Variants in CNOT10 observed in about 807,000 individuals in gnomAD.
CNOT10 encodes CCR4-NOT transcription complex subunit 10.
A neutral mutation model predicts 94.6 loss-of-function variants in CNOT10; 30 were observed. The observed-to-expected ratio is 0.32, with a 90% CI of 0.24 to 0.43. CNOT10 has a LOEUF of 0.43. CNOT10 is among the 20% of genes least tolerant of loss of function. The probability of loss-of-function intolerance (pLI) is 1.00; values close to 1 mark genes in which losing one functional copy is unlikely to be tolerated. For synonymous variants in CNOT10, 289 were observed against 301.6 expected, an observed-to-expected ratio of 0.96 and a Z score of 0.43; for missense variants, 759 against 877.2, an observed-to-expected ratio of 0.87 and a Z score of 1.70.
In CNOT10 at chr3:32,720,831, CCCTCCCTT is replaced by C. The variant is rs200409007; in HGVS notation, c.862+627_862+634del. Among the ~76,000 whole-genome samples the C allele has an allele frequency of 7.9e-3, 1,002 of 127,412 alleles. 6 individuals carry two copies. The highest frequency in any genetic ancestry group is 0.026 in the Middle Eastern group (7 of 270). The allele number at this position is 127,412 out of a possible 152,430, so 83.6% of individuals were successfully genotyped here. ...TTAACCTGACTTGCCTGCCCTCCCT[CCCTCCCTT>C]CCTCCCTTCCTCCCTTCCTCCCTTC... On this transcript the variant is annotated intron_variant, in intron 8 of 18. Coordinates refer to ENST00000328834, the MANE Select transcript of CNOT10 (RefSeq NM_015442.3).
At chr3:32,700,363 G>A (rs1469624023) in intron 1 of CNOT10, among the ~76,000 whole-genome samples, 3 of 152,158 alleles carry the variant, frequency 2.0e-5, no homozygotes, top group Non-Finnish European at 4.4e-5. Context: ...TCTCATTTTA[G>A]TAAATAGGGA....
At chr3:32,719,957 G>T (rs966545998) in intron 7 of CNOT10, among the ~76,000 whole-genome samples, 157 bp from the exon 8 acceptor site, 1 of 152,080 alleles carries the variant, frequency 6.6e-6, no homozygotes, top group African/African-American at 2.4e-5. Context: ...TTTTTTGATT[G>T]TGAGAGCAAT....
At chr3:32,696,158 A>G (rs1038803316) in intron 1 of CNOT10, among the ~76,000 whole-genome samples, 1 of 152,084 alleles carries the variant, frequency 6.6e-6, no homozygotes, top group African/African-American at 2.4e-5. Flanking sequence ...TCTACTAAAA[A>G]TACAAAAATT....
At chr3:32,743,941 T>C (rs1163364575) in intron 13 of CNOT10, among the ~76,000 whole-genome samples, 2 of 152,142 alleles carry the variant, frequency 1.3e-5, no homozygotes, top group Non-Finnish European at 2.9e-5. Flanking sequence ...TTCTGTAGTA[T>C]ATATATATTT....
chr3:32,750,304 G>A (rs1699906612), intron 13 of CNOT10, among the ~76,000 whole-genome samples: 1 of 152,004 alleles, frequency 6.6e-6, no homozygotes, highest in Non-Finnish European at 1.5e-5. Flanking sequence ...AGACCAATCT[G>A]ACCAATATGG....
chr3:32,739,722 C>T (rs1486837136), intron 13 of CNOT10, among the ~76,000 whole-genome samples: 2 of 151,936 alleles, frequency 1.3e-5, no homozygotes, highest in East Asian at 1.9e-4. Context: ...GTCAGGAGTT[C>T]GAGATCAGCC....
intron 16 of CNOT10, 34 bp from the exon 17 acceptor site, chr3:32,764,648 C>A: frequency 6.2e-7 from 1 of 1,609,894 alleles, no homozygotes; most frequent in Non-Finnish European, 8.5e-7. Flanking sequence ...GTTGGCACGG[C>A]CTCTTCACCA....
At chr3:32,749,850 T>C (rs1699882066) in intron 13 of CNOT10, among the ~76,000 whole-genome samples, 1 of 152,036 alleles carries the variant, frequency 6.6e-6, no homozygotes, top group African/African-American at 2.4e-5. Flanking sequence ...AAAGAACTTG[T>C]GTAACCAAAT....
At chr3:32,722,211 C>T (rs1698453500) in intron 8 of CNOT10, among the ~76,000 whole-genome samples, 1 of 152,118 alleles carries the variant, frequency 6.6e-6, no homozygotes, top group Admixed American at 6.6e-5. Context: ...TACCCAGATA[C>T]ACGCACAGAA....
intron 13 of CNOT10, among the ~76,000 whole-genome samples, chr3:32,756,776 C>G (rs921292339): frequency 2.0e-5 from 3 of 152,172 alleles, no homozygotes; most frequent in African/African-American, 7.2e-5. Flanking sequence ...TTTTAAGAAG[C>G]TTATGTTTTA....
chr3:32,702,643 A>T (rs1225324074), intron 1 of CNOT10, among the ~76,000 whole-genome samples: 1 of 152,120 alleles, frequency 6.6e-6, no homozygotes, highest in Non-Finnish European at 1.5e-5. Context: ...CTAAATTATA[A>T]ATCTCTTAAA....
chr3:32,739,126 G>A (rs541897911), intron 13 of CNOT10, among the ~76,000 whole-genome samples: 4 of 151,818 alleles, frequency 2.6e-5, no homozygotes, highest in Admixed American at 6.6e-5. Flanking sequence ...GGCTGGTCTC[G>A]AACTCCTGAC....
intron 8 of CNOT10, among the ~76,000 whole-genome samples, chr3:32,724,239 G>A (rs113704300): frequency 0.046 from 5,725 of 125,670 alleles, 182 homozygotes; most frequent in Middle Eastern, 0.1. Context: ...ACTCTGTTCT[G>A]TTCCTTTTTT....
At chr3:32,752,068 C>A (rs912283072) in intron 13 of CNOT10, among the ~76,000 whole-genome samples, 2 of 151,764 alleles carry the variant, frequency 1.3e-5, no homozygotes, top group Admixed American at 6.6e-5. Context: ...GCAGGTGGAT[C>A]ACCTGAGGTT....
At chr3:32,686,594 T>TA (rs1696610599) in intron 1 of CNOT10, among the ~76,000 whole-genome samples, 2 of 152,276 alleles carry the variant, frequency 1.3e-5, no homozygotes, top group South Asian at 4.1e-4. Flanking sequence ...GGTGAGATGA[T>TA]ATTTGAGCAG....
intron 7 of CNOT10, among the ~76,000 whole-genome samples, chr3:32,719,744 G>A (rs1698286255): frequency 6.6e-6 from 1 of 152,050 alleles, no homozygotes; most frequent in African/African-American, 2.4e-5. Flanking sequence ...TAAAAAGTAA[G>A]AAAGATCACC....
At chr3:32,738,133 A>G (rs1032978813) in intron 13 of CNOT10, among the ~76,000 whole-genome samples, 1 of 152,126 alleles carries the variant, frequency 6.6e-6, no homozygotes, top group Non-Finnish European at 1.5e-5. Context: ...TAAGATAGGT[A>G]TTACTCATGG....
intron 9 of CNOT10, 93 bp downstream of exon 9, chr3:32,725,692 A>G: frequency 8.6e-7 from 1 of 1,159,736 alleles, no homozygotes; most frequent in Non-Finnish European, 1.2e-6. Flanking sequence ...CACCATGTAG[A>G]CTTACATATA....
At chr3:32,758,226 T>G (rs1700298905) in intron 13 of CNOT10, among the ~76,000 whole-genome samples, 1 of 152,186 alleles carries the variant, frequency 6.6e-6, no homozygotes, top group Admixed American at 6.6e-5. Flanking sequence ...GGAACCACAC[T>G]AGACAGTCTT....
Sources: gnomAD v4.1 joint callset for allele counts (sites outside exome capture counted in the v4.1 genomes callset) on GRCh38, gnomAD v4.1.1 for gene constraint, MANE v1.5 for transcripts, NCBI Gene and HGNC (gene_info 2026-07-23, HGNC 2026-07-21) for gene names.